NLGN4X: variants seen among roughly 807,000 people sequenced by gnomAD.
NLGN4X encodes neuroligin-4, X-linked.
A neutral mutation model predicts 40.3 loss-of-function variants in NLGN4X; 3 were observed. The observed-to-expected ratio is 0.07, with a 90% CI of 0.03 to 0.19. NLGN4X has a LOEUF of 0.19. NLGN4X is among the 10% of genes least tolerant of loss of function. The probability of loss-of-function intolerance (pLI) is 1.00; values close to 1 mark genes in which losing one functional copy is unlikely to be tolerated. For missense variants in NLGN4X, 382 were observed against 708.3 expected (o/e 0.54, Z 5.23); for synonymous variants, 270 against 306.8 (o/e 0.88, Z 1.25).
intron 1 of NLGN4X, among the ~76,000 whole-genome samples, chrX:6,195,927 A>T (rs916616662): frequency 5.4e-5 from 6 of 110,943 alleles, no homozygotes; most frequent in South Asian, 3.8e-4. Context: ...AGTACCTGGG[A>T]CTACAGGTGG....
intron 3 of NLGN4X, among the ~76,000 whole-genome samples, chrX:6,020,377 C>T (rs1162741026): frequency 1.8e-5 from 2 of 111,785 alleles, no homozygotes; most frequent in African/African-American, 6.5e-5. Flanking sequence ...CATGTTCTTA[C>T]TTATATGTGG....
intron 2 of NLGN4X, among the ~76,000 whole-genome samples, chrX:6,110,442 T>A (rs1266513006): frequency 1.8e-5 from 2 of 112,130 alleles, no homozygotes; most frequent in South Asian, 3.7e-4. Flanking sequence ...TTTCTGTGCA[T>A]CCCTCCTTGA....
intron 3 of NLGN4X, among the ~76,000 whole-genome samples, chrX:5,962,298 G>A (rs959499696): frequency 4.5e-5 from 5 of 111,644 alleles, no homozygotes; most frequent in Non-Finnish European, 9.4e-5. Flanking sequence ...TGCATCATTG[G>A]GCAGAGCATC....
At chrX:5,951,019 T>C (rs2034292030) in intron 3 of NLGN4X, among the ~76,000 whole-genome samples, 1 of 112,282 alleles carries the variant, frequency 8.9e-6, no homozygotes, top group Non-Finnish European at 1.9e-5. Flanking sequence ...AGAACAATAA[T>C]CATCTTCAAT....
chrX:6,041,502 T>C (rs764295389), intron 2 of NLGN4X, among the ~76,000 whole-genome samples: 20 of 112,109 alleles, frequency 1.8e-4, no homozygotes, highest in Non-Finnish European at 3.2e-4. Context: ...AAGATTCATT[T>C]TTACTGATCA....
At chrX:5,975,419 T>C (rs1325852461) in intron 3 of NLGN4X, among the ~76,000 whole-genome samples, 3 of 109,968 alleles carry the variant, frequency 2.7e-5, no homozygotes, top group Non-Finnish European at 5.7e-5. Flanking sequence ...GAGAGCAGGC[T>C]GGCCAACTTG....
chrX:6,116,098 C>T (rs2039274327), intron 2 of NLGN4X, among the ~76,000 whole-genome samples: 1 of 107,142 alleles, frequency 9.3e-6, no homozygotes, highest in Admixed American at 1.0e-4. Context: ...TGGAGACCAT[C>T]CTGGCTAACA....
At chrX:6,067,015 G>T (rs2037935809) in intron 2 of NLGN4X, among the ~76,000 whole-genome samples, 1 of 110,755 alleles carries the variant, frequency 9.0e-6, no homozygotes, top group Non-Finnish European at 1.9e-5. Context: ...AGGCTGAGGT[G>T]AGAGGGTCAC....
At chrX:6,157,050 C>G (rs1156346347) in intron 1 of NLGN4X, among the ~76,000 whole-genome samples, 1 of 110,238 alleles carries the variant, frequency 9.1e-6, no homozygotes, top group East Asian at 2.8e-4. Context: ...AATTGGGAGG[C>G]TGAGCCAGGA....
At chrX:6,055,526 T>C (rs181481688) in intron 2 of NLGN4X, among the ~76,000 whole-genome samples, 75 of 110,926 alleles carry the variant, frequency 6.8e-4, no homozygotes, top group African/African-American at 2.0e-3. Flanking sequence ...AACTACCTAT[T>C]GGATGTTATG....
rs754460655 is a variant in NLGN4X, at chrX:6,049,204, G to C, written c.473-19772C>G. ...CCCAGAAATGCTATGTTGGTGTATGGTCATTTAAGCTCCAGGCCAGGAAAG... is the reference window on the plus strand; with the variant it reads ...CCCAGAAATGCTATGTTGGTGTATGCTCATTTAAGCTCCAGGCCAGGAAAG... On this transcript the variant is annotated intron_variant, in intron 2 of 5. Transcript: ENST00000381095. Among the ~76,000 whole-genome samples the C allele has an allele frequency of 3.6e-3, 223 of 62,409 alleles. 3 individuals are homozygous for C. The highest frequency in any genetic ancestry group is 0.013 in the African/African-American group (210 of 16,663). The allele number at this position is 62,409 out of a possible 115,157, so 54.2% of individuals were successfully genotyped here.
intron 2 of NLGN4X, among the ~76,000 whole-genome samples, chrX:6,039,723 A>G (rs771289891): frequency 2.2e-4 from 25 of 112,085 alleles, no homozygotes; most frequent in African/African-American, 7.1e-4. Flanking sequence ...ATGTTCCTTA[A>G]AACTAGTACA....
intron 3 of NLGN4X, among the ~76,000 whole-genome samples, chrX:5,917,736 C>T (rs1486947913): frequency 8.9e-6 from 1 of 111,805 alleles, no homozygotes. Flanking sequence ...GCTTCATCTA[C>T]ACATACTAGG....
chrX:5,929,793 C>G (rs1055006190), intron 3 of NLGN4X, among the ~76,000 whole-genome samples: 11 of 112,395 alleles, frequency 9.8e-5, no homozygotes, highest in Non-Finnish European at 1.9e-4. Flanking sequence ...GACACAGGAG[C>G]CTTCATAAGG....
chrX:5,956,959 TGG>T (rs1408070530), intron 3 of NLGN4X, among the ~76,000 whole-genome samples: 1 of 110,752 alleles, frequency 9.0e-6, no homozygotes, highest in Non-Finnish European at 1.9e-5. Context: ...ATATTCTGTG[TGG>T]TGTCTGTGTG....
At chrX:5,981,552 T>C (rs769572998) in intron 3 of NLGN4X, among the ~76,000 whole-genome samples, 1 of 108,927 alleles carries the variant, frequency 9.2e-6, no homozygotes, top group South Asian at 4.0e-4. Flanking sequence ...CAACTAAATT[T>C]TGAAAACATT....
At chrX:5,998,000 C>T (rs1213840430) in intron 3 of NLGN4X, among the ~76,000 whole-genome samples, 1 of 111,754 alleles carries the variant, frequency 8.9e-6, no homozygotes, top group Non-Finnish European at 1.9e-5. Context: ...CACATCCAAG[C>T]TGCCTTAGTC....
chrX:6,122,063 G>A (rs1362484795), intron 2 of NLGN4X, among the ~76,000 whole-genome samples: 2 of 111,573 alleles, frequency 1.8e-5, no homozygotes, highest in Non-Finnish European at 3.8e-5. Context: ...AACTGCACAC[G>A]ACAGTTTTCA....
chrX:5,986,489 A>G (rs965893682), intron 3 of NLGN4X, among the ~76,000 whole-genome samples: 1 of 112,431 alleles, frequency 8.9e-6, no homozygotes, highest in Non-Finnish European at 1.9e-5. Flanking sequence ...GGAAATCTTC[A>G]TATCTCTTGG....
Sources: gnomAD v4.1 joint callset for allele counts (sites outside exome capture counted in the v4.1 genomes callset) on GRCh38, gnomAD v4.1.1 for gene constraint, MANE v1.5 for transcripts, NCBI Gene and HGNC (gene_info 2026-07-23, HGNC 2026-07-21) for gene names.